Variants in PHACTR1 observed in about 807,000 individuals in gnomAD.
The protein encoded by PHACTR1 is RPEL repeat containing 1.
A neutral mutation model predicts 69.2 loss-of-function variants in PHACTR1; 16 were observed. The observed-to-expected ratio is 0.23, with a 90% confidence interval of 0.16 to 0.35. PHACTR1 has a LOEUF of 0.35. PHACTR1 is among the 10% of genes least tolerant of loss of function. PHACTR1 has a pLI of 1.00. For synonymous variants in PHACTR1, 312 were observed against 284.5 expected, an observed-to-expected ratio of 1.10 and a Z score of -0.97; for missense variants, 510 against 734.7, an observed-to-expected ratio of 0.69 and a Z score of 3.54.
intron 5 of PHACTR1, among the ~76,000 whole-genome samples, chr6:13,082,422 A>T (rs1489369356): frequency 1.3e-5 from 2 of 152,228 alleles, no homozygotes; most frequent in African/African-American, 4.8e-5. Context: ...AATCTGAAAC[A>T]GCTGACCATG....
intron 8 of PHACTR1, among the ~76,000 whole-genome samples, chr6:13,218,069 G>A (rs952227601): frequency 6.6e-6 from 1 of 152,156 alleles, no homozygotes; most frequent in Admixed American, 6.5e-5. Flanking sequence ...GGAGATTAAT[G>A]TCTTTCTTTT....
In PHACTR1 at chr6:13,280,589, T is replaced by C. The variant is rs1779941175; in HGVS notation, c.1509+2260T>C. Reference sequence around the variant, plus strand: ...AGCCCAATAACTTCTTCAATAAAATTCTATTTAACTGTAATGCACTAGTAA... The same window carrying C: ...AGCCCAATAACTTCTTCAATAAAATCCTATTTAACTGTAATGCACTAGTAA... On this transcript the variant is annotated intron_variant, in intron 12 of 14. Transcript: ENST00000332995. 3 of 235,216 alleles carry C rather than the reference T, an allele frequency of 1.3e-5. No individual in the cohort carries two copies. In the South Asian group the frequency reaches 1.4e-4, roughly 11 times the overall value. The allele number at this position is 235,216 out of a possible 1,614,324, so 14.6% of individuals were successfully genotyped here. A position where few individuals can be genotyped will look rare whatever the true frequency, so the allele number is the denominator to read the frequency against.
At chr6:13,239,983 A>C (rs1229759893) in intron 10 of PHACTR1, among the ~76,000 whole-genome samples, 1 of 152,100 alleles carries the variant, frequency 6.6e-6, no homozygotes, top group Non-Finnish European at 1.5e-5. Flanking sequence ...AGTGTGGTGG[A>C]CAAAGAGCTG....
rs571853803 is a variant in PHACTR1, at chr6:13,250,819, G to A, written c.1391+20626G>A. Among the ~76,000 whole-genome samples the A allele has an allele frequency of 2.0e-5, 3 of 152,294 alleles. No individual in the cohort carries two copies. The South Asian group carries it at 6.2e-4, about 32-fold the overall frequency. On this transcript the variant is annotated intron_variant, in intron 10 of 14. Transcript: ENST00000332995. ...CAAGACAGGTCTGGGCGCAAGACAG[G>A]TCTATCCTCAAGACAGGTGGTGCAC...
intron 4 of PHACTR1, among the ~76,000 whole-genome samples, chr6:12,903,062 A>G (rs1208059127): frequency 6.6e-6 from 1 of 152,172 alleles, no homozygotes; most frequent in Non-Finnish European, 1.5e-5. Context: ...AGAGGTGACA[A>G]AGTGTGGTGG....
At position 13,125,556 on chromosome 6, in the gene PHACTR1, A is replaced by C. The variant is rs9349470; in HGVS notation, c.416-34648A>C. Among the ~76,000 whole-genome samples, 1,496 of 152,220 alleles carry C rather than the reference A, an allele frequency of 9.8e-3. 66 individuals carry two copies. In the East Asian group the frequency reaches 0.13, roughly 13 times the overall value. ...CCTCCAGCAAAGGAAAAAATATGTC[A>C]CTCTTAAAAATTCATAAAAAATTAA... is the stretch of plus-strand genomic sequence containing the variant. On this transcript the variant is annotated intron_variant, in intron 5 of 14. Coordinates refer to ENST00000332995, the MANE Select transcript of PHACTR1 (RefSeq NM_030948.6).
At chr6:13,141,724 C>CT (rs577073698) in intron 5 of PHACTR1, among the ~76,000 whole-genome samples, 57,114 of 92,924 alleles carry the variant, frequency 0.61, 16,981 homozygotes, top group South Asian at 0.77. Flanking sequence ...TTTCTTCTTT[C>CT]TTTTTTTTTT....
chr6:12,865,716 T>C (rs1389643064), intron 4 of PHACTR1, among the ~76,000 whole-genome samples: 2 of 152,260 alleles, frequency 1.3e-5, no homozygotes, highest in Non-Finnish European at 2.9e-5. Flanking sequence ...TTGAATTTCT[T>C]GATGTTCCGG....
rs538102244 is a variant in PHACTR1 at position 12,993,497 on chromosome 6, G to T, written c.251-59868G>T. Among the ~76,000 whole-genome samples the T allele has an allele frequency of 9.2e-5, 14 of 152,322 alleles. No homozygotes were observed. The South Asian group carries it at 2.9e-3, about 32-fold the overall frequency. ...TACATACCTAAGACACGGAGGGCTG[G>T]AGTTTCAATTCTCAATTTAAGGGCA... On this transcript the variant is annotated intron_variant, in intron 4 of 14. Transcript: ENST00000332995.
intron 4 of PHACTR1, among the ~76,000 whole-genome samples, chr6:12,768,487 C>T (rs1004229970): frequency 3.9e-5 from 6 of 152,040 alleles, no homozygotes; most frequent in African/African-American, 1.4e-4. Context: ...ACAGATCCTG[C>T]GAAGAGAGAC....
At chr6:12,735,406 C>T (rs1431426437) in intron 3 of PHACTR1, among the ~76,000 whole-genome samples, 1 of 152,146 alleles carries the variant, frequency 6.6e-6, no homozygotes, top group African/African-American at 2.4e-5. Flanking sequence ...GGCATGAGTG[C>T]CAAGAGTCGG....
At chr6:13,138,569 G>A (rs1356822041) in intron 5 of PHACTR1, among the ~76,000 whole-genome samples, 4 of 152,152 alleles carry the variant, frequency 2.6e-5, no homozygotes, top group African/African-American at 7.2e-5. Flanking sequence ...AAAAGTGGGT[G>A]AAATCATTTG....
chr6:13,003,703 C>A lies in PHACTR1; in HGVS notation c.251-49662C>A, dbSNP rs950015079. Among the ~76,000 whole-genome samples the A allele has an allele frequency of 6.6e-4, 100 of 151,694 alleles. 1 individual carries two copies. The highest frequency in any genetic ancestry group is 2.3e-3 in the African/African-American group (95 of 41,278). ...GCCATCACCCTAAGAGTACATAGTACCCACTAAATAACTTCTCATTTCTCA... is the reference window on the plus strand; with the variant it reads ...GCCATCACCCTAAGAGTACATAGTAACCACTAAATAACTTCTCATTTCTCA... On this transcript the variant is annotated intron_variant, in intron 4 of 14. Transcript: ENST00000332995.
At chr6:12,929,493 A>G (rs149347545) in intron 4 of PHACTR1, among the ~76,000 whole-genome samples, 94 of 152,340 alleles carry the variant, frequency 6.2e-4, no homozygotes, top group African/African-American at 2.2e-3. Flanking sequence ...ATAAGCTCTC[A>G]AATGTTATCC....
chr6:13,208,995 G>A (rs1343643806), intron 8 of PHACTR1, among the ~76,000 whole-genome samples: 2 of 152,156 alleles, frequency 1.3e-5, no homozygotes, highest in Non-Finnish European at 2.9e-5. Flanking sequence ...CCCACTCGAG[G>A]TCAAAGCATA....
chr6:13,026,401 C>A (rs1347704462), intron 4 of PHACTR1, among the ~76,000 whole-genome samples: 1 of 152,112 alleles, frequency 6.6e-6, no homozygotes, highest in Non-Finnish European at 1.5e-5. Context: ...TTTTAAAATT[C>A]TCTGTTTTCC....
At chr6:12,719,401 CAGTT>C in intron 3 of PHACTR1, among the ~76,000 whole-genome samples, 1 of 152,280 alleles carries the variant, frequency 6.6e-6, no homozygotes, top group South Asian at 2.1e-4. Context: ...TCAAGATGGT[CAGTT>C]AGGTTCCAGT....
chr6:12,726,414 C>A (rs1327095460), intron 3 of PHACTR1, among the ~76,000 whole-genome samples: 2 of 152,194 alleles, frequency 1.3e-5, no homozygotes, highest in Non-Finnish European at 2.9e-5. Context: ...ACCTTGAGAT[C>A]CCCTTTTCCC....
intron 4 of PHACTR1, among the ~76,000 whole-genome samples, chr6:12,897,403 C>T (rs970859117): frequency 3.3e-5 from 5 of 152,118 alleles, no homozygotes; most frequent in Admixed American, 3.3e-4. Flanking sequence ...GGGACCTCCT[C>T]TATCATCCCT....
Sources: allele counts gnomAD v4.1 joint callset (sites outside exome capture counted in the v4.1 genomes callset), GRCh38; gene constraint gnomAD v4.1.1; transcripts MANE v1.5; gene names NCBI Gene and HGNC (gene_info 2026-07-23, HGNC 2026-07-21).